Variants in ALOX12 observed in about 807,000 individuals in gnomAD.
ALOX12 encodes polyunsaturated fatty acid lipoxygenase ALOX12.
Under a neutral mutation model 85.5 loss-of-function variants are expected in ALOX12, and 62 were observed. That is an observed-to-expected ratio of 0.73 (90% CI 0.59 to 0.90). The LOEUF is 0.90. Among genes scored for constraint, ALOX12 ranks in the 40% least tolerant of loss-of-function variants. ALOX12 has a pLI of 0.00. For missense variants in ALOX12, 751 were observed against 856.5 expected (o/e 0.88, Z 1.54); for synonymous variants, 299 against 332.7 (o/e 0.90, Z 1.10).
Position 7,010,551 on chromosome 17 carries a change from C to A in ALOX12, c.*128C>A. ...TTTCCTCCCCCAGTTAAACCCCCTA[C>A]ATTAGTATCCCACTAGCCCAGGGGA... On this transcript the variant is annotated 3_prime_UTR_variant, in exon 14 of 14. Coordinates refer to ENST00000251535, the MANE Select transcript of ALOX12 (RefSeq NM_000697.3). 1 of 1,165,160 alleles carries A rather than the reference C, an allele frequency of 8.6e-7. No individual in the cohort carries two copies. The highest frequency in any genetic ancestry group is 1.2e-6 in the Non-Finnish European group (1 of 850,056). 72.2% of individuals were successfully genotyped at this position (1,165,160 alleles called of 1,614,324 possible). A position where few individuals can be genotyped will look rare whatever the true frequency, so the allele number is the denominator to read the frequency against.
Position 7,005,865 on chromosome 17 carries a change from G to A in ALOX12, c.1256G>A (p.Ser419Asn). 6.2e-7 allele frequency: 1 copy of A among 1,612,100 alleles called. No individual in the cohort carries two copies. The highest frequency in any genetic ancestry group is 8.5e-7 in the Non-Finnish European group (1 of 1,179,792). Residue 419 changes from serine (S) to asparagine (N), a missense_variant, in exon 10 of 14, where the codon AGC becomes AAC. By Grantham distance (46) the Ser-to-Asn change is conservative. Transcript: ENST00000251535. ...SDGGIFDKAV[S>N]TGGGGHVQLL... ...TGTGATCTCCTGTCCCAGGCAGTGA[G>A]CACAGGTGGAGGGGGCCATGTACAG...
Position 7,000,086 on chromosome 17 carries a change from T to C in ALOX12, c.808-250T>C, listed in dbSNP as rs1908636463. On this transcript the variant is annotated intron_variant, in intron 6 of 13. Transcript: ENST00000251535. This position sits in a 1 kb window ranked among gnomAD's most constrained non-coding sequence, Gnocchi z 4.6. ...AGTTTACAATGCCTGTGATGCCAAC[T>C]GGATTGAGCAGGCCTGGTTCCAAAC... Among the ~76,000 whole-genome samples, 1 of 152,146 alleles carries C rather than the reference T, an allele frequency of 6.6e-6. No individual in the cohort carries two copies.
chr17:6,998,439 G>C, intron 2 of ALOX12, 70 bp from the exon 3 acceptor site: 4 of 997,628 alleles, frequency 4.0e-6, no homozygotes, highest in Non-Finnish European at 6.3e-6. Flanking sequence ...TAACCACAGG[G>C]AGATGAGGAC....
At chr17:7,007,816 G>A (rs753486686) in intron 11 of ALOX12, among the ~76,000 whole-genome samples, 4 of 152,174 alleles carry the variant, frequency 2.6e-5, no homozygotes, top group Non-Finnish European at 5.9e-5. Context: ...GGGAGGCGGA[G>A]GTTGCAGTGA....
In ALOX12 at chr17:7,010,708, A is replaced by G. The variant is rs993207426; in HGVS notation, c.*285A>G. ...AGACAACATGGAAATGAGTGTGACT[A>G]TGTTCCAATAAAACTTTATGGACAC... is the stretch of plus-strand genomic sequence containing the variant. On this transcript the variant is annotated 3_prime_UTR_variant, in exon 14 of 14. Transcript: ENST00000251535. The G allele has an allele frequency of 3.1e-6, 1 of 319,332 alleles. No individual in the cohort carries two copies. The highest frequency in any genetic ancestry group is 2.1e-5 in the African/African-American group (1 of 47,184). The allele number at this position is 319,332 out of a possible 1,614,324, so 19.8% of individuals were successfully genotyped here. A position where few individuals can be genotyped will look rare whatever the true frequency, so the allele number is the denominator to read the frequency against.
chr17:7,001,452 G>A lies in ALOX12; in HGVS notation c.952-150G>A, dbSNP rs185347945. The A allele has an allele frequency of 1.4e-4, 110 of 790,130 alleles. No individual in the cohort carries two copies. The African/African-American group carries it at 1.5e-3, about 11-fold the overall frequency. 48.9% of individuals were successfully genotyped at this position (790,130 alleles called of 1,614,324 possible). A position where few individuals can be genotyped will look rare whatever the true frequency, so the allele number is the denominator to read the frequency against. On this transcript the variant is annotated intron_variant, in intron 7 of 13. Coordinates refer to ENST00000251535, the MANE Select transcript of ALOX12 (RefSeq NM_000697.3). The stretch of plus-strand genomic sequence containing the variant: ...CTGACATCAGGGCACTCCAGCTAGC[G>A]AGCGGCAGGCTGGGAGGGTTCACAG...
intron 8 of ALOX12, among the ~76,000 whole-genome samples, chr17:7,004,322 A>ATTAAT (rs1419501496): frequency 1.0e-5 from 1 of 96,630 alleles, no homozygotes; most frequent in East Asian, 2.8e-4. Context: ...TAATTTTAAT[A>ATTAAT]TTAATTTAAT....
chr17:6,999,262 T>G (rs1908594245), intron 5 of ALOX12, 44 bp from the exon 6 acceptor site: 1 of 1,612,494 alleles, frequency 6.2e-7, no homozygotes. Context: ...AGAAGGGATA[T>G]GCAGGCTGTG....
chr17:6,999,139 T>G (rs921933081), intron 5 of ALOX12, 83 bp downstream of exon 5: 1 of 1,511,428 alleles, frequency 6.6e-7, no homozygotes, highest in Non-Finnish European at 9.1e-7. Flanking sequence ...CCGTAACTCT[T>G]TGCAAGAAGA....
rs764615926 is a variant in ALOX12 at position 7,005,966 on chromosome 17, C to T, written c.1357C>T (p.Leu453=). The T allele has an allele frequency of 1.2e-6, 2 of 1,609,688 alleles. No homozygotes were observed. Among genetic ancestry groups the T allele is most frequent in the Non-Finnish European group, 1.7e-6 (2 of 1,178,672 alleles). Residue 453 remains leucine (L), a synonymous_variant, in exon 10 of 14, where the codon CTG becomes TTG. Transcript: ENST00000251535. ...TGACGACCTGGCTGACCGGGGCCTGCTGGGACTCCCAGGTGCTCTCTATGC... is the reference window on the plus strand; with the variant it reads ...TGACGACCTGGCTGACCGGGGCCTGTTGGGACTCCCAGGTGCTCTCTATGC... ...PPDDLADRGL[L]GLPGALYAHD...
intron 1 of ALOX12, among the ~76,000 whole-genome samples, 178 bp from the exon 2 acceptor site, chr17:6,996,648 C>T (rs1488284797): frequency 6.6e-6 from 1 of 152,192 alleles, no homozygotes; most frequent in Non-Finnish European, 1.5e-5. Context: ...GGCCCTCGTC[C>T]TCCACCCGAC....
intron 6 of ALOX12, among the ~76,000 whole-genome samples, chr17:6,999,929 G>A (rs1210405277): frequency 6.6e-6 from 1 of 152,184 alleles, no homozygotes; most frequent in Non-Finnish European, 1.5e-5. Context: ...GAAGCTCTCT[G>A]GAATATTTGG....
chr17:6,999,418 G>T lies in ALOX12; in HGVS notation c.759G>T (p.Leu253=). The T allele has an allele frequency of 2.5e-6, 4 of 1,614,158 alleles. No homozygotes were observed. Among genetic ancestry groups the T allele is most frequent in the Non-Finnish European group, 2.5e-6 (3 of 1,179,992 alleles). The change falls in exon 6 of 14, where the codon CTG becomes CTT. Residue 253 remains leucine, a synonymous_variant. Transcript: ENST00000251535. The stretch of plus-strand genomic sequence containing the variant: ...CCTCTCTGCCCTCCAGGCTAGTGCT[G>T]CCCTCGGGGATGGAAGAGCTTCAGG... ...RSTSLPSRLV[L]PSGMEELQAQ...
intron 2 of ALOX12, among the ~76,000 whole-genome samples, chr17:6,997,618 T>C (rs312469): frequency 0.96 from 141,913 of 147,956 alleles, 68,267 homozygotes; most frequent in Middle Eastern, 1. Flanking sequence ...AGTGCAGTGG[T>C]GCGATCTTGG....
At position 6,996,260 on chromosome 17, in the gene ALOX12, C is replaced by CGGGGAGCGA. The variant is rs1422725780; in HGVS notation, c.135+16_135+24dup. On this transcript the variant is annotated intron_variant, in intron 1 of 13. Coordinates refer to ENST00000251535, the MANE Select transcript of ALOX12 (RefSeq NM_000697.3). ...CGGCCCGCGCGGGGCGAGGTCAGCGCGGGGAGCGAGGGGAGCTAGGGCAGC... is the reference window on the plus strand; with the variant it reads ...CGGCCCGCGCGGGGCGAGGTCAGCGCGGGGAGCGAGGGGAGCGAGGGGAGCTAGGGCAGC... The CGGGGAGCGA allele has an allele frequency of 3.4e-5, 42 of 1,233,422 alleles. No homozygotes were observed. Among genetic ancestry groups the CGGGGAGCGA allele is most frequent in the South Asian group, 1.6e-4 (4 of 24,518 alleles). 76.4% of individuals were successfully genotyped at this position (1,233,422 alleles called of 1,614,324 possible). A position where few individuals can be genotyped will look rare whatever the true frequency, so the allele number is the denominator to read the frequency against.
chr17:7,007,169 TG>T (rs1909128773), intron 11 of ALOX12, among the ~76,000 whole-genome samples: 1 of 152,206 alleles, frequency 6.6e-6, no homozygotes, highest in Admixed American at 6.5e-5. Flanking sequence ...CCCTGATCCT[TG>T]GGGCTCAGGT....
intron 11 of ALOX12, 78 bp downstream of exon 11, chr17:7,006,685 A>T: frequency 6.7e-7 from 1 of 1,495,442 alleles, no homozygotes; most frequent in Non-Finnish European, 8.9e-7. Context: ...CCTTCTGGGG[A>T]CAGGACCCCA....
In ALOX12 at chr17:7,005,872, T is replaced by C. The variant is rs569242292; in HGVS notation, c.1263T>C (p.Gly421=). The change falls in exon 10 of 14, where the codon GGT becomes GGC. Residue 421 remains glycine (G), a synonymous_variant. Transcript: ENST00000251535. ...GGIFDKAVST[G]GGGHVQLLRR... ...TCCTGTCCCAGGCAGTGAGCACAGG[T>C]GGAGGGGGCCATGTACAGTTGCTCC... The C allele has an allele frequency of 6.2e-7, 1 of 1,612,406 alleles. No homozygotes were observed. The highest frequency in any genetic ancestry group is 1.7e-5 in the Admixed American group (1 of 59,986).
intron 11 of ALOX12, among the ~76,000 whole-genome samples, chr17:7,008,072 C>G (rs919935352): frequency 1.3e-5 from 2 of 152,184 alleles, no homozygotes; most frequent in Non-Finnish European, 2.9e-5. Flanking sequence ...GCACTCTGTC[C>G]TCTGCTCATA....
Sources: gnomAD v4.1 joint callset for allele counts (sites outside exome capture counted in the v4.1 genomes callset) on GRCh38, gnomAD v4.1.1 for gene constraint, Gnocchi (gnomAD v3.1) non-coding constraint, MANE v1.5 for transcripts, NCBI Gene and HGNC (gene_info 2026-07-23, HGNC 2026-07-21) for gene names.